The following ANGPT1 variants were observed in gnomAD, a reference collection of about 807,000 sequenced individuals.
ANGPT1 encodes angiopoietin-1.
Under a neutral mutation model 62.2 loss-of-function variants are expected in ANGPT1, and 17 were observed. That is an observed-to-expected ratio of 0.27 (90% CI 0.19 to 0.41). The LOEUF is 0.41. ANGPT1 is among the 10% of genes least tolerant of loss of function. The pLI is 1.00. For missense variants in ANGPT1, 478 were observed against 594.9 expected (o/e 0.80, Z 2.04); for synonymous variants, 199 against 198.9 (o/e 1.00, Z 0.00).
At chr8:107,459,830 A>G (rs1812020171) in intron 1 of ANGPT1, among the ~76,000 whole-genome samples, 1 of 152,208 alleles carries the variant, frequency 6.6e-6, no homozygotes, top group African/African-American at 2.4e-5. Context: ...TCAAGTGAAC[A>G]GCACAGGGTG....
intron 6 of ANGPT1, 99 bp from the exon 7 acceptor site, chr8:107,284,947 A>T: frequency 1.0e-6 from 1 of 995,756 alleles, no homozygotes; most frequent in Non-Finnish European, 1.3e-6. Flanking sequence ...AAATTATTAA[A>T]AAGTAAAGGT....
chr8:107,304,570 TAATACTGGTTTCATACTA>T (rs1251801831), intron 4 of ANGPT1, among the ~76,000 whole-genome samples: 3 of 151,964 alleles, frequency 2.0e-5, no homozygotes, highest in Admixed American at 6.6e-5. Flanking sequence ...TGGCCTAACT[TAATACTGGTTTCATACTA>T]AATACTGGCC....
chr8:107,431,284 T>A (rs895107367), intron 1 of ANGPT1, among the ~76,000 whole-genome samples: 1 of 152,244 alleles, frequency 6.6e-6, no homozygotes, highest in African/African-American at 2.4e-5. Context: ...TAAATCACCT[T>A]GCAAAAACAC....
intron 2 of ANGPT1, among the ~76,000 whole-genome samples, chr8:107,343,287 G>A (rs548524306): frequency 1.1e-4 from 16 of 152,288 alleles, no homozygotes; most frequent in Non-Finnish European, 2.2e-4. Flanking sequence ...GCCAGAGGAG[G>A]TTTGGAGAGG....
chr8:107,374,588 G>C (rs752015590), intron 1 of ANGPT1, among the ~76,000 whole-genome samples: 1 of 152,262 alleles, frequency 6.6e-6, no homozygotes, highest in Admixed American at 6.5e-5. Flanking sequence ...TCTCTCAAAA[G>C]CATTATATGG....
chr8:107,448,102 A>G (rs1309084227), intron 1 of ANGPT1, among the ~76,000 whole-genome samples: 2 of 152,214 alleles, frequency 1.3e-5, no homozygotes, highest in African/African-American at 4.8e-5. Context: ...GACAAAGGAC[A>G]TGAGTTCTGA....
intron 1 of ANGPT1, among the ~76,000 whole-genome samples, chr8:107,480,462 C>T (rs1427804077): frequency 1.3e-5 from 2 of 152,056 alleles, no homozygotes; most frequent in Non-Finnish European, 2.9e-5. Flanking sequence ...TTTATGGGGA[C>T]AATGCTCCAA....
chr8:107,347,203 A>G (rs1005328595), intron 1 of ANGPT1, 106 bp from the exon 2 acceptor site: 4 of 1,163,100 alleles, frequency 3.4e-6, no homozygotes, highest in Non-Finnish European at 3.6e-6. Context: ...CAAATCAGCC[A>G]TCTGGCGGGG....
intron 1 of ANGPT1, among the ~76,000 whole-genome samples, chr8:107,409,399 A>T (rs1817213957): frequency 6.6e-6 from 1 of 152,152 alleles, no homozygotes; most frequent in East Asian, 1.9e-4. Flanking sequence ...TGTCAGGTTC[A>T]CCAATGGGAC....
intron 1 of ANGPT1, among the ~76,000 whole-genome samples, chr8:107,416,595 T>A (rs538687905): frequency 6.6e-6 from 1 of 152,176 alleles, no homozygotes; most frequent in South Asian, 2.1e-4. Flanking sequence ...CAGGCAGGAT[T>A]GAAGCATGGA....
intron 1 of ANGPT1, among the ~76,000 whole-genome samples, chr8:107,477,666 C>T (rs1050463438): frequency 6.6e-6 from 1 of 152,070 alleles, no homozygotes; most frequent in African/African-American, 2.4e-5. Flanking sequence ...GCTTTCTTTG[C>T]CACATTAAGT....
chr8:107,271,745 T>G (rs900207572), intron 7 of ANGPT1, among the ~76,000 whole-genome samples: 2 of 152,022 alleles, frequency 1.3e-5, no homozygotes. Context: ...CTAGATGGTC[T>G]GAATAAATAT....
chr8:107,481,661 C>A lies in ANGPT1; in HGVS notation c.297+15601G>T, dbSNP rs185057969. On this transcript the variant is annotated intron_variant, in intron 1 of 8. Transcript: ENST00000517746. ...TAATTTATAAAGAAAAGAGGTTTAA[C>A]TGACCCGCAGTTCCCAGTGTCTGGG... Among the ~76,000 whole-genome samples the A allele has an allele frequency of 5.2e-4, 78 of 150,986 alleles. 2 individuals are homozygous for A. The East Asian group carries it at 0.012, about 24-fold the overall frequency.
At chr8:107,370,793 G>A (rs1163630610) in intron 1 of ANGPT1, among the ~76,000 whole-genome samples, 2 of 148,762 alleles carry the variant, frequency 1.3e-5, no homozygotes, top group Non-Finnish European at 3.0e-5. Flanking sequence ...AGAAAAAAAA[G>A]AGGAAAATAA....
At chr8:107,449,100 G>C (rs996827946) in intron 1 of ANGPT1, among the ~76,000 whole-genome samples, 2 of 151,966 alleles carry the variant, frequency 1.3e-5, no homozygotes, top group African/African-American at 4.8e-5. Context: ...AAAATAAAAG[G>C]GAAATTTTCT....
At chr8:107,350,346 T>C (rs1040076223) in intron 1 of ANGPT1, among the ~76,000 whole-genome samples, 2 of 152,064 alleles carry the variant, frequency 1.3e-5, no homozygotes, top group Non-Finnish European at 2.9e-5. Context: ...TAATTGTACA[T>C]CAATTTCTTA....
intron 1 of ANGPT1, among the ~76,000 whole-genome samples, chr8:107,358,010 A>C (rs1024945079): frequency 6.6e-6 from 1 of 152,126 alleles, no homozygotes; most frequent in Non-Finnish European, 1.5e-5. Context: ...CTCTTCTGAA[A>C]TATCTTGTTT....
intron 1 of ANGPT1, among the ~76,000 whole-genome samples, chr8:107,411,857 G>T (rs1265906748): frequency 6.6e-6 from 1 of 151,962 alleles, no homozygotes; most frequent in East Asian, 1.9e-4. Flanking sequence ...TCTATAATCT[G>T]CAGTGTTGAG....
At chr8:107,442,012 A>G (rs950441416) in intron 1 of ANGPT1, among the ~76,000 whole-genome samples, 2 of 152,074 alleles carry the variant, frequency 1.3e-5, no homozygotes. Context: ...TGAACTCGGG[A>G]GGTGGAGGTT....
Sources: gnomAD v4.1 joint callset for allele counts (sites outside exome capture counted in the v4.1 genomes callset) on GRCh38, gnomAD v4.1.1 for gene constraint, MANE v1.5 for transcripts, NCBI Gene and HGNC (gene_info 2026-07-23, HGNC 2026-07-21) for gene names.